Variants in PRKN observed in about 807,000 individuals in gnomAD.
PRKN encodes the protein E3 ubiquitin-protein ligase parkin.
A neutral mutation model predicts 59.5 loss-of-function variants in PRKN; 56 were observed. The observed-to-expected ratio is 0.94, with a 90% CI of 0.76 to 1.18. The LOEUF is 1.18. Among genes scored for constraint, PRKN ranks in the 50% most tolerant of loss-of-function variants. The pLI is 0.00. For synonymous variants in PRKN, 250 were observed against 222.1 expected (o/e 1.13, Z -1.12); for missense variants, 657 against 596.4 (o/e 1.10, Z -1.06).
intron 8 of PRKN, among the ~76,000 whole-genome samples, chr6:161,557,709 A>C (rs564916205): frequency 6.6e-6 from 1 of 152,356 alleles, no homozygotes; most frequent in East Asian, 1.9e-4. Context: ...AATGTGAAGT[A>C]CAGGGATCCG....
intron 6 of PRKN, among the ~76,000 whole-genome samples, chr6:161,948,160 A>AT (rs1562410953): frequency 2.0e-5 from 3 of 151,742 alleles, no homozygotes; most frequent in Admixed American, 6.6e-5. Flanking sequence ...TAATTTCTGT[A>AT]TTTTTTAGTA....
At chr6:161,598,880 T>A (rs1583277000) in intron 7 of PRKN, among the ~76,000 whole-genome samples, 1 of 152,290 alleles carries the variant, frequency 6.6e-6, no homozygotes, top group African/African-American at 2.4e-5. Context: ...GAATATAACC[T>A]CATTTGGGAA....
At chr6:162,540,811 A>T (rs1187100230) in intron 1 of PRKN, among the ~76,000 whole-genome samples, 1 of 151,446 alleles carries the variant, frequency 6.6e-6, no homozygotes, top group Non-Finnish European at 1.5e-5. Flanking sequence ...CTGGCTCAAA[A>T]AAAAAAAAAA....
At chr6:162,021,438 AAT>A (rs1193427302) in intron 5 of PRKN, among the ~76,000 whole-genome samples, 12 of 120,784 alleles carry the variant, frequency 9.9e-5, no homozygotes, top group African/African-American at 3.9e-4. Flanking sequence ...CATTACAGGG[AAT>A]ATATATATAT....
intron 2 of PRKN, among the ~76,000 whole-genome samples, chr6:162,390,886 TAAG>T (rs1286490590): frequency 7.9e-5 from 12 of 152,178 alleles, no homozygotes; most frequent in East Asian, 3.9e-4. Context: ...AGAAGTTAAA[TAAG>T]AAGAAATCTT....
At chr6:162,610,666 C>G (rs1307805631) in intron 1 of PRKN, among the ~76,000 whole-genome samples, 1 of 152,012 alleles carries the variant, frequency 6.6e-6, no homozygotes, top group African/African-American at 2.4e-5. Flanking sequence ...GAAGATGTAA[C>G]CAGTAACAGC....
At chr6:162,105,670 G>A (rs893224971) in intron 4 of PRKN, among the ~76,000 whole-genome samples, 1 of 152,158 alleles carries the variant, frequency 6.6e-6, no homozygotes, top group Non-Finnish European at 1.5e-5. Flanking sequence ...AAAGTGCTGG[G>A]ATTACAGGCA....
chr6:161,414,920 G>A lies in PRKN; in HGVS notation c.1084-28043C>T, dbSNP rs1272494310. Reference sequence around the variant, plus strand: ...TTAAATGCCTTTTGAAAGGGAGCTAGGCATAGGAGGAATTCACTTTCTTCC... The same window carrying A: ...TTAAATGCCTTTTGAAAGGGAGCTAAGCATAGGAGGAATTCACTTTCTTCC... On this transcript the variant is annotated intron_variant, in intron 9 of 11. Coordinates refer to ENST00000366898, the MANE Select transcript of PRKN (RefSeq NM_004562.3). This position sits in a 1 kb window ranked among gnomAD's most constrained non-coding sequence, Gnocchi z 5.3. Among the ~76,000 whole-genome samples, 1 of 152,202 alleles carries A rather than the reference G, an allele frequency of 6.6e-6. No homozygotes were observed. Among genetic ancestry groups the A allele is most frequent in the Non-Finnish European group, 1.5e-5 (1 of 68,038 alleles).
At chr6:162,379,894 T>C (rs1001639703) in intron 2 of PRKN, among the ~76,000 whole-genome samples, 10 of 152,132 alleles carry the variant, frequency 6.6e-5, no homozygotes, top group African/African-American at 2.4e-4. Context: ...CTGATGAACA[T>C]GCCGGCAGAG....
intron 4 of PRKN, among the ~76,000 whole-genome samples, chr6:162,154,247 G>A (rs1782401800): frequency 6.6e-6 from 1 of 152,076 alleles, no homozygotes; most frequent in Non-Finnish European, 1.5e-5. Flanking sequence ...TCTGACATAT[G>A]ACCGCCCTGC....
chr6:161,796,561 T>C (rs1790857405), intron 6 of PRKN, among the ~76,000 whole-genome samples: 1 of 152,170 alleles, frequency 6.6e-6, no homozygotes, highest in African/African-American at 2.4e-5. Context: ...CCAAAGGGTA[T>C]TTGGCCCATG....
At chr6:162,306,906 T>C (rs77396572) in intron 2 of PRKN, among the ~76,000 whole-genome samples, 5,773 of 152,280 alleles carry the variant, frequency 0.038, 350 homozygotes, top group African/African-American at 0.13. Context: ...ATCACCAGTG[T>C]GTCCAGGTGT....
chr6:162,129,376 T>C (rs1210729297), intron 4 of PRKN, among the ~76,000 whole-genome samples: 1 of 152,214 alleles, frequency 6.6e-6, no homozygotes, highest in Non-Finnish European at 1.5e-5. Context: ...TAAAATGTCA[T>C]CTTTGTGGAA....
intron 7 of PRKN, among the ~76,000 whole-genome samples, chr6:161,783,452 C>T (rs1045487024): frequency 1.3e-5 from 2 of 152,000 alleles, no homozygotes; most frequent in Non-Finnish European, 2.9e-5. Context: ...CAAGAAAGGT[C>T]GAGAGCACCT....
intron 1 of PRKN, among the ~76,000 whole-genome samples, chr6:162,503,277 C>T (rs1489107612): frequency 6.6e-6 from 1 of 151,708 alleles, no homozygotes; most frequent in East Asian, 1.9e-4. Context: ...ATTCTCCCGC[C>T]TCAGCCTCCT....
At chr6:161,864,480 C>T (rs1479551020) in intron 6 of PRKN, among the ~76,000 whole-genome samples, 3 of 152,172 alleles carry the variant, frequency 2.0e-5, no homozygotes, top group East Asian at 3.9e-4. Context: ...GTCACTTCCT[C>T]CACTGAAGTC....
At chr6:161,685,022 T>C (rs541260424) in intron 7 of PRKN, among the ~76,000 whole-genome samples, 1 of 152,346 alleles carries the variant, frequency 6.6e-6, no homozygotes, top group South Asian at 2.1e-4. Flanking sequence ...TCATTGACTA[T>C]TGGAAACAAC....
intron 2 of PRKN, among the ~76,000 whole-genome samples, chr6:162,264,385 T>C (rs1394638151): frequency 6.6e-6 from 1 of 152,094 alleles, no homozygotes; most frequent in Non-Finnish European, 1.5e-5. Flanking sequence ...GTGAAATGCA[T>C]CCATAACTCA....
chr6:162,058,515 C>A (rs1777959639), intron 4 of PRKN, among the ~76,000 whole-genome samples: 1 of 152,186 alleles, frequency 6.6e-6, no homozygotes, highest in Non-Finnish European at 1.5e-5. Context: ...CCGAAAAGTC[C>A]CTGCGTTTAA....
Sources: gnomAD v4.1 joint callset for allele counts (sites outside exome capture counted in the v4.1 genomes callset) on GRCh38, gnomAD v4.1.1 for gene constraint, Gnocchi (gnomAD v3.1) non-coding constraint, MANE v1.5 for transcripts, NCBI Gene and HGNC (gene_info 2026-07-23, HGNC 2026-07-21) for gene names.